PRKG1: variants seen among roughly 807,000 people sequenced by gnomAD.
The protein encoded by PRKG1 is protein kinase cGMP-dependent 1, also known as cGMP-dependent protein kinase 1.
In PRKG1, 35 loss-of-function variants were observed where a neutral mutation model predicts 88.1. That is an observed-to-expected ratio of 0.40 (90% CI 0.30 to 0.53). PRKG1 has a LOEUF of 0.53. PRKG1 is among the 20% of genes least tolerant of loss of function. The pLI, the probability that PRKG1 is intolerant of heterozygous loss-of-function variation, is 0.59. For synonymous variants in PRKG1, 303 were observed against 292.5 expected (o/e 1.04, Z -0.37); for missense variants, 540 against 839.8 (o/e 0.64, Z 4.41).
At chr10:51,188,753 G>A (rs1837558238) in intron 2 of PRKG1, among the ~76,000 whole-genome samples, 1 of 151,900 alleles carries the variant, frequency 6.6e-6, no homozygotes, top group African/African-American at 2.4e-5. Context: ...CAGAGGATAA[G>A]TTTGTGTCTA....
intron 3 of PRKG1, among the ~76,000 whole-genome samples, chr10:51,610,434 C>T (rs977132100): frequency 2.6e-5 from 4 of 152,180 alleles, no homozygotes; most frequent in Non-Finnish European, 4.4e-5. Flanking sequence ...AATGACCTCT[C>T]TCCAGTTCCA....
intron 3 of PRKG1, among the ~76,000 whole-genome samples, chr10:51,504,528 G>A (rs1010556133): frequency 6.6e-6 from 1 of 152,152 alleles, no homozygotes; most frequent in East Asian, 1.9e-4. Flanking sequence ...GTAGCTTGAT[G>A]GGGATGGCAT....
intron 1 of PRKG1, among the ~76,000 whole-genome samples, chr10:51,096,575 G>A (rs1844535962): frequency 6.6e-6 from 1 of 152,126 alleles, no homozygotes; most frequent in African/African-American, 2.4e-5. Flanking sequence ...GTAAGAGCAT[G>A]GTCTCTGGAA....
At chr10:51,395,200 A>C (rs1267902192) in intron 2 of PRKG1, among the ~76,000 whole-genome samples, 1 of 152,128 alleles carries the variant, frequency 6.6e-6, no homozygotes, top group Non-Finnish European at 1.5e-5. Context: ...TCTCACTGAG[A>C]TATCTCTCCC....
At chr10:52,200,743 G>C (rs899335640) in intron 9 of PRKG1, among the ~76,000 whole-genome samples, 2 of 152,098 alleles carry the variant, frequency 1.3e-5, no homozygotes, top group Non-Finnish European at 2.9e-5. Flanking sequence ...TTTAGTAATA[G>C]CCATTCTGAC....
chr10:52,059,530 T>G (rs778044298), intron 6 of PRKG1, among the ~76,000 whole-genome samples: 3 of 151,916 alleles, frequency 2.0e-5, no homozygotes, highest in Non-Finnish European at 4.4e-5. Context: ...GAAAAAAAGG[T>G]CTGAAAAGGT....
Position 51,732,924 on chromosome 10 carries a change from C to T in PRKG1, c.593-71661C>T, listed in dbSNP as rs112239798. Reference sequence around the variant, plus strand: ...TTATTTCTCCTAGTTCTGGAGGCTTCGATTCTGAGATTAGGGTGCCAGTAT... The same window carrying T: ...TTATTTCTCCTAGTTCTGGAGGCTTTGATTCTGAGATTAGGGTGCCAGTAT... On this transcript the variant is annotated intron_variant, in intron 3 of 17. Transcript: ENST00000373980. 7.8e-4 allele frequency among the ~76,000 whole-genome samples: 118 copies of T among 151,980 alleles called. 6 individuals are homozygous for T. Among genetic ancestry groups the T allele is most frequent in the Middle Eastern group, 6.8e-3 (2 of 294 alleles).
At chr10:51,653,371 T>C (rs1840087131) in intron 3 of PRKG1, among the ~76,000 whole-genome samples, 1 of 152,178 alleles carries the variant, frequency 6.6e-6, no homozygotes, top group Non-Finnish European at 1.5e-5. Context: ...TCAACAACAC[T>C]GATCTTTTGT....
chr10:52,265,159 G>A (rs961088187), intron 10 of PRKG1, among the ~76,000 whole-genome samples: 1 of 152,100 alleles, frequency 6.6e-6, no homozygotes, highest in Non-Finnish European at 1.5e-5. Context: ...CTGAGGCCCA[G>A]TGAGATTATA....
intron 9 of PRKG1, among the ~76,000 whole-genome samples, 174 bp from the exon 10 acceptor site, chr10:52,251,396 C>T (rs1841165213): frequency 1.3e-5 from 2 of 152,068 alleles, no homozygotes; most frequent in African/African-American, 2.4e-5. Flanking sequence ...TTATGTTATT[C>T]TGCACAACTG....
intron 5 of PRKG1, among the ~76,000 whole-genome samples, chr10:51,950,030 AT>A (rs1843147286): frequency 6.6e-6 from 1 of 152,168 alleles, no homozygotes; most frequent in Non-Finnish European, 1.5e-5. Flanking sequence ...CACCAAAGGC[AT>A]TTTAGCAATT....
intron 3 of PRKG1, among the ~76,000 whole-genome samples, chr10:51,753,804 T>C (rs1459715174): frequency 1.3e-5 from 2 of 152,182 alleles, no homozygotes. Context: ...TGAAATAGCT[T>C]TTCTTAATGT....
intron 3 of PRKG1, among the ~76,000 whole-genome samples, chr10:51,702,979 G>T (rs1475148897): frequency 6.6e-6 from 1 of 152,178 alleles, no homozygotes; most frequent in Non-Finnish European, 1.5e-5. Flanking sequence ...ACAGGCATGA[G>T]CCATTGCACC....
At chr10:51,036,199 C>G (rs1442023778) in intron 1 of PRKG1, among the ~76,000 whole-genome samples, 1 of 152,084 alleles carries the variant, frequency 6.6e-6, no homozygotes, top group Non-Finnish European at 1.5e-5. Context: ...GTTTTTTCCT[C>G]TTTTTCTCCT....
intron 5 of PRKG1, among the ~76,000 whole-genome samples, chr10:52,037,316 G>T (rs534708132): frequency 3.9e-4 from 59 of 152,320 alleles, no homozygotes; most frequent in Admixed American, 3.4e-3. Context: ...TGTGGCTGGG[G>T]TTTGTCTCAC....
intron 2 of PRKG1, among the ~76,000 whole-genome samples, chr10:51,207,999 T>C (rs1260252535): frequency 6.6e-6 from 1 of 152,266 alleles, no homozygotes; most frequent in Non-Finnish European, 1.5e-5. Context: ...CTGAATGTCT[T>C]TGATGCAGTA....
At chr10:51,831,069 T>G (rs560472900) in intron 4 of PRKG1, among the ~76,000 whole-genome samples, 2 of 152,244 alleles carry the variant, frequency 1.3e-5, no homozygotes, top group East Asian at 1.9e-4. Context: ...CAGTAGTACA[T>G]TCATTGTCAA....
At chr10:51,691,725 TAGG>T (rs1841149932) in intron 3 of PRKG1, among the ~76,000 whole-genome samples, 1 of 152,194 alleles carries the variant, frequency 6.6e-6, no homozygotes, top group African/African-American at 2.4e-5. Context: ...GCTCGAAGGC[TAGG>T]AGGAGGTTAG....
chr10:52,087,487 C>T (rs1349625199), intron 7 of PRKG1, among the ~76,000 whole-genome samples: 1 of 152,092 alleles, frequency 6.6e-6, no homozygotes, highest in Non-Finnish European at 1.5e-5. Context: ...GATTTTTCCT[C>T]ATGCACAAAT....
Sources: allele counts gnomAD v4.1 joint callset (sites outside exome capture counted in the v4.1 genomes callset), GRCh38; gene constraint gnomAD v4.1.1; transcripts MANE v1.5; gene names NCBI Gene and HGNC (gene_info 2026-07-23, HGNC 2026-07-21).